Variants in SFMBT2 observed in about 807,000 individuals in gnomAD.
The protein encoded by SFMBT2 is Scm like with four mbt domains 2, also known as scm-like with four MBT domains protein 2.
A neutral mutation model predicts 110.1 loss-of-function variants in SFMBT2; 38 were observed. The observed-to-expected ratio is 0.35, with a 90% CI of 0.27 to 0.45. SFMBT2 has a LOEUF of 0.45. Among genes scored for constraint, SFMBT2 ranks in the 20% least tolerant of loss-of-function variants. The pLI is 1.00. For synonymous variants in SFMBT2, 425 were observed against 425.4 expected (o/e 1.00, Z 0.01); for missense variants, 1,011 against 1,094.9 (o/e 0.92, Z 1.08).
chr10:7,249,585 A>G, intron 7 of SFMBT2: 1 of 982,420 alleles, frequency 1.0e-6, no homozygotes, highest in Non-Finnish European at 1.2e-6. Context: ...GGGACCTGTT[A>G]CTTTCTTTTA....
At chr10:7,227,510 T>C (rs1839929021) in intron 10 of SFMBT2, among the ~76,000 whole-genome samples, 1 of 152,330 alleles carries the variant, frequency 6.6e-6, no homozygotes, top group Admixed American at 6.5e-5. Context: ...TAGTGATACC[T>C]TCTCCTCTAT....
intron 7 of SFMBT2, chr10:7,248,938 C>T (rs567830176): frequency 3.4e-5 from 6 of 176,934 alleles, no homozygotes; most frequent in African/African-American, 1.4e-4. Context: ...GTGCTATTAA[C>T]TGAAGCACAG....
At chr10:7,231,171 G>A (rs1204033537) in intron 9 of SFMBT2, among the ~76,000 whole-genome samples, 3 of 152,082 alleles carry the variant, frequency 2.0e-5, no homozygotes, top group Non-Finnish European at 4.4e-5. Flanking sequence ...GAAGACTCAC[G>A]ACTCCATCTG....
chr10:7,158,702 A>G lies in SFMBT2; in HGVS notation c.*5068T>C, dbSNP rs567515731. Reference sequence around the variant, plus strand: ...AAAGGGTTTTTTTCATTTAGAATAAAAATTAAAATATAACTCTGATATAGA... The same window carrying G: ...AAAGGGTTTTTTTCATTTAGAATAAGAATTAAAATATAACTCTGATATAGA... On this transcript the variant is annotated 3_prime_UTR_variant, in exon 21 of 21. Transcript: ENST00000397167. 2 of 152,364 alleles carry G rather than the reference A, an allele frequency of 1.3e-5. No homozygotes were observed. Among genetic ancestry groups the G allele is most frequent in the South Asian group, 2.1e-4 (1 of 4,828 alleles). 9.4% of individuals were successfully genotyped at this position (152,364 alleles called of 1,614,324 possible). A position where few individuals can be genotyped will look rare whatever the true frequency, so the allele number is the denominator to read the frequency against.
In SFMBT2 at chr10:7,367,968, A is replaced by G; in HGVS notation, c.196-79T>C. On this transcript the variant is annotated intron_variant, in intron 3 of 20. Coordinates refer to ENST00000397167, the MANE Select transcript of SFMBT2 (RefSeq NM_001387889.1). The surrounding 1 kb of genome is among the most constrained non-coding windows in gnomAD (Gnocchi z 6.2). Reference sequence around the variant, plus strand: ...CAGAAGATGACAAAAACCACTAAAAAATATGGCACTTACAAACAATATTCC... The same window carrying G: ...CAGAAGATGACAAAAACCACTAAAAGATATGGCACTTACAAACAATATTCC... 3.3e-6 allele frequency: 5 copies of G among 1,536,532 alleles called. No homozygotes were observed. Among genetic ancestry groups the G allele is most frequent in the Non-Finnish European group, 4.4e-6 (5 of 1,139,858 alleles).
intron 16 of SFMBT2, among the ~76,000 whole-genome samples, chr10:7,187,038 T>C (rs1250212301): frequency 6.6e-6 from 1 of 152,252 alleles, no homozygotes; most frequent in Non-Finnish European, 1.5e-5. Context: ...TTTGATTGTA[T>C]CAGGCTGGAT....
chr10:7,384,167 C>T (rs558500326), intron 1 of SFMBT2, among the ~76,000 whole-genome samples: 74 of 136,358 alleles, frequency 5.4e-4, no homozygotes, highest in South Asian at 7.4e-4. Flanking sequence ...GCTGAGATCG[C>T]GCCATTGCTC....
intron 11 of SFMBT2, among the ~76,000 whole-genome samples, chr10:7,213,786 AGGCCATGGTGCGGGCACTCAGATCCG>A (rs1450281566): frequency 7.4e-5 from 11 of 148,918 alleles, no homozygotes; most frequent in Non-Finnish European, 1.5e-4. Context: ...TCCGTGTGCG[AGGCCATGGTGCGGGCACTCAGATCCG>A]TGTGTGATGC....
chr10:7,347,577 A>T (rs1844157299), intron 4 of SFMBT2, among the ~76,000 whole-genome samples: 1 of 152,224 alleles, frequency 6.6e-6, no homozygotes, highest in African/African-American at 2.4e-5. Flanking sequence ...CTTTGTTTTT[A>T]AAAAACACTT....
intron 7 of SFMBT2, 69 bp from the exon 8 acceptor site, chr10:7,248,718 C>T (rs1401351762): frequency 1.1e-5 from 16 of 1,409,532 alleles, no homozygotes; most frequent in Admixed American, 1.9e-5. Flanking sequence ...TGTCCGGATG[C>T]GCTCCTGGAG....
chr10:7,405,914 C>A (rs963867311), intron 1 of SFMBT2, among the ~76,000 whole-genome samples: 1 of 147,426 alleles, frequency 6.8e-6, no homozygotes, highest in Non-Finnish European at 1.5e-5. Context: ...CACACATTGA[C>A]TTCCTGGTTT....
At chr10:7,251,480 T>G (rs1462421106) in intron 7 of SFMBT2, among the ~76,000 whole-genome samples, 1 of 152,034 alleles carries the variant, frequency 6.6e-6, no homozygotes, top group African/African-American at 2.4e-5. Flanking sequence ...TCTCAAAAAG[T>G]GAACGTTCCT....
At chr10:7,398,755 T>TCC (rs940331899) in intron 1 of SFMBT2, among the ~76,000 whole-genome samples, 1 of 152,014 alleles carries the variant, frequency 6.6e-6, no homozygotes, top group Non-Finnish European at 1.5e-5. Flanking sequence ...AATTAGAGCA[T>TCC]CCCCCCAGGT....
At chr10:7,239,115 CTG>C (rs1840354582) in intron 9 of SFMBT2, among the ~76,000 whole-genome samples, 1 of 152,100 alleles carries the variant, frequency 6.6e-6, no homozygotes, top group African/African-American at 2.4e-5. Flanking sequence ...AATAAAATAT[CTG>C]TGTTATTTGC....
chr10:7,226,265 A>G (rs1229244954), intron 10 of SFMBT2, among the ~76,000 whole-genome samples: 1 of 152,174 alleles, frequency 6.6e-6, no homozygotes, highest in South Asian at 2.1e-4. Flanking sequence ...AGGTCGTTCA[A>G]TCATAGAAGG....
At chr10:7,232,594 T>C (rs1236183402) in intron 9 of SFMBT2, among the ~76,000 whole-genome samples, 2 of 152,118 alleles carry the variant, frequency 1.3e-5, no homozygotes, top group Non-Finnish European at 2.9e-5. Flanking sequence ...TATAAACATA[T>C]ACAGAATTAT....
rs1186455842 is a variant in SFMBT2 at position 7,408,914 on chromosome 10, T to C, written c.-52+1947A>G. Reference sequence around the variant, plus strand: ...GCCCGCCAAGACAAGAAGATGCCCCTCTCCGATGCGCCGAGAGGGTTCCTA... The same window carrying C: ...GCCCGCCAAGACAAGAAGATGCCCCCCTCCGATGCGCCGAGAGGGTTCCTA... On this transcript the variant is annotated intron_variant, in intron 1 of 20. Transcript: ENST00000397167. The surrounding 1 kb of genome is among the most constrained non-coding windows in gnomAD (Gnocchi z 5.7). Among the ~76,000 whole-genome samples, 2 of 151,710 alleles carry C rather than the reference T, an allele frequency of 1.3e-5. No homozygotes were observed. The highest frequency in any genetic ancestry group is 4.9e-5 in the African/African-American group (2 of 41,230).
At chr10:7,343,221 CT>C (rs34301294) in intron 4 of SFMBT2, among the ~76,000 whole-genome samples, 8,189 of 145,038 alleles carry the variant, frequency 0.056, 265 homozygotes, top group Non-Finnish European at 0.078. Context: ...CATGATCTTG[CT>C]TTTTTTTTTT....
intron 7 of SFMBT2, among the ~76,000 whole-genome samples, chr10:7,276,054 T>C (rs961111857): frequency 2.0e-5 from 3 of 152,240 alleles, no homozygotes; most frequent in African/African-American, 7.2e-5. Context: ...TGGATGAACC[T>C]GAATGGACCA....
Sources: allele counts gnomAD v4.1 joint callset (sites outside exome capture counted in the v4.1 genomes callset), GRCh38; gene constraint gnomAD v4.1.1; non-coding constraint Gnocchi (gnomAD v3.1); transcripts MANE v1.5; gene names NCBI Gene and HGNC (gene_info 2026-07-23, HGNC 2026-07-21).